The following CDHR2 variants were observed in gnomAD, a reference collection of about 807,000 sequenced individuals.
CDHR2 encodes the protein cadherin related family member 2, also known as cadherin-related family member 2.
Under a neutral mutation model 138.6 loss-of-function variants are expected in CDHR2, and 104 were observed. The observed-to-expected ratio is 0.75, with a 90% CI of 0.64 to 0.88. The LOEUF (loss-of-function observed/expected upper bound fraction) is 0.88, where lower values mean the gene tolerates loss of function less well. CDHR2 is among the 40% of genes least tolerant of loss of function. CDHR2 has a pLI of 0.00. For synonymous variants in CDHR2, 755 were observed against 742.8 expected, an observed-to-expected ratio of 1.02 and a Z score of -0.27; for missense variants, 1,624 against 1,727.6, an observed-to-expected ratio of 0.94 and a Z score of 1.06.
chr5:176,580,115 C>G (rs1581144142), intron 16 of CDHR2, among the ~76,000 whole-genome samples: 1 of 152,094 alleles, frequency 6.6e-6, no homozygotes, highest in Non-Finnish European at 1.5e-5. Flanking sequence ...GGAACACACA[C>G]ACACACTCAC....
intron 17 of CDHR2, 142 bp from the exon 18 acceptor site, chr5:176,584,048 C>G (rs1043972474): frequency 1.4e-5 from 10 of 720,078 alleles, no homozygotes; most frequent in Admixed American, 1.3e-4. Flanking sequence ...CAGAGCCTGT[C>G]TCCTCATCTG....
intron 21 of CDHR2, among the ~76,000 whole-genome samples, chr5:176,588,666 T>A (rs556525111): frequency 7.6e-5 from 11 of 145,128 alleles, no homozygotes; most frequent in Admixed American, 3.4e-4. Flanking sequence ...TGTGTGAGAG[T>A]GTGTGTGTGT....
Position 176,589,418 on chromosome 5 carries a change from G to A in CDHR2, c.3097G>A (p.Glu1033Lys), listed in dbSNP as rs1758778648. ...CAGACCTTCCTTGGGTCCTTTCCTG[G>A]AAGCCACCACCACCCTGAATGTGAG... ...RDRPSLGPFL[E>K]ATTTLNLFTV... is the part of the protein sequence containing the mutation. The change falls in exon 23 of 32, where the codon GAA becomes AAA. Residue 1033 changes from glutamate to lysine, a missense_variant. Around this residue, in one of 3 missense-constraint regions of CDHR2, gnomAD observed 556 missense variants for 565.7 expected, o/e 0.98. Coordinates refer to ENST00000261944, the MANE Select transcript of CDHR2 (RefSeq NM_017675.6). 1.9e-6 allele frequency: 3 copies of A among 1,589,444 alleles called. No homozygotes were observed. The highest frequency in any genetic ancestry group is 2.6e-6 in the Non-Finnish European group (3 of 1,165,836).
chr5:176,564,434 C>T (rs562278540), intron 1 of CDHR2, among the ~76,000 whole-genome samples: 3 of 152,146 alleles, frequency 2.0e-5, no homozygotes, highest in Non-Finnish European at 4.4e-5. Flanking sequence ...GTGATCCGCC[C>T]GCCTCGGCCT....
intron 19 of CDHR2, 105 bp from the exon 20 acceptor site, chr5:176,585,849 A>G: frequency 1.1e-6 from 1 of 878,306 alleles, no homozygotes; most frequent in African/African-American, 1.6e-5. Context: ...CACGGGGTTG[A>G]GGCTGCGGGG....
rs560781585 is a variant in CDHR2, at chr5:176,578,273, A to G, written c.1575-92A>G. 3.2e-5 allele frequency: 41 copies of G among 1,294,282 alleles called. No individual in the cohort carries two copies. The South Asian group carries it at 4.6e-4, about 14-fold the overall frequency. The allele number at this position is 1,294,282 out of a possible 1,614,324, so 80.2% of individuals were successfully genotyped here. A position where few individuals can be genotyped will look rare whatever the true frequency, so the allele number is the denominator to read the frequency against. ...GAATATGTTGCATATACTGCATGGG[A>G]TATGCTGAAATATTTGTTGTTGTAT... On this transcript the variant is annotated intron_variant, in intron 15 of 31. Transcript: ENST00000261944.
In CDHR2 at chr5:176,589,387, C is replaced by G. The variant is rs1368446236; in HGVS notation, c.3066C>G (p.Ala1022=). 5 of 1,569,748 alleles carry G rather than the reference C, an allele frequency of 3.2e-6. No individual in the cohort carries two copies. The highest frequency in any genetic ancestry group is 2.6e-6 in the Non-Finnish European group (3 of 1,156,242). The change falls in exon 23 of 32, where the codon GCC becomes GCG. Residue 1022 remains alanine (A), a synonymous_variant. Coordinates refer to ENST00000261944, the MANE Select transcript of CDHR2 (RefSeq NM_017675.6). ...GCACCTACCAAGTGACAGTCCAGGCCAGGGACAGACCTTCCTTGGGTCCTT... is the reference window on the plus strand; with the variant it reads ...GCACCTACCAAGTGACAGTCCAGGCGAGGGACAGACCTTCCTTGGGTCCTT... ...LQGTYQVTVQ[A]RDRPSLGPFL...
At chr5:176,566,067 T>G (rs1758072167) in intron 3 of CDHR2, among the ~76,000 whole-genome samples, 1 of 150,062 alleles carries the variant, frequency 6.7e-6, no homozygotes, top group Admixed American at 6.6e-5. Context: ...TTCCTCACAC[T>G]GGCTAATCTC....
chr5:176,569,807 A>G (rs953276241), intron 5 of CDHR2, among the ~76,000 whole-genome samples: 4 of 152,026 alleles, frequency 2.6e-5, no homozygotes, highest in African/African-American at 9.7e-5. Flanking sequence ...TAAAAATACA[A>G]AAATTAGCTG....
At chr5:176,584,287 A>G (rs772131855) in intron 18 of CDHR2, 28 bp downstream of exon 18, 1 of 1,613,358 alleles carries the variant, frequency 6.2e-7, no homozygotes, top group African/African-American at 1.3e-5. Context: ...CAGGAGAGAC[A>G]CTGCGGCTGG....
chr5:176,547,991 C>T (rs748966022), upstream of CDHR2, among the ~76,000 whole-genome samples: 2 of 152,160 alleles, frequency 1.3e-5, no homozygotes, highest in African/African-American at 2.4e-5. Context: ...GTGAACATCA[C>T]ACAGTGACTT....
At chr5:176,558,438 C>T (rs1346314419) in intron 1 of CDHR2, among the ~76,000 whole-genome samples, 3 of 147,478 alleles carry the variant, frequency 2.0e-5, no homozygotes, top group South Asian at 2.1e-4. Flanking sequence ...GGCTGGAGTG[C>T]GATGGTGCGA....
chr5:176,578,333 C>T (rs377067112), intron 15 of CDHR2, 32 bp from the exon 16 acceptor site: 1 of 1,589,608 alleles, frequency 6.3e-7, no homozygotes, highest in African/African-American at 1.3e-5. Flanking sequence ...CATCCTGTGT[C>T]TCTATTTGCT....
At position 176,577,711 on chromosome 5, in the gene CDHR2, C is replaced by A. The variant is rs747812200; in HGVS notation, c.1425C>A (p.Asp475Glu). Residue 475 changes from aspartate to glutamate, a missense_variant, in exon 14 of 32, where the codon GAC becomes GAA. Transcript: ENST00000261944. Reference sequence around the variant, plus strand: ...CCATCCACCTTAGAGACATTAATGACCACAGGCCCACGTTTCCCCAGAGCT... The same window carrying A: ...CCATCCACCTTAGAGACATTAATGAACACAGGCCCACGTTTCCCCAGAGCT... ...MVTIHLRDIN[D>E]HRPTFPQSLY... The A allele has an allele frequency of 6.2e-7, 1 of 1,614,228 alleles. No individual in the cohort carries two copies. Among genetic ancestry groups the A allele is most frequent in the Non-Finnish European group, 8.5e-7 (1 of 1,180,036 alleles).
At chr5:176,573,690 G>A (rs1758287334) in intron 6 of CDHR2, among the ~76,000 whole-genome samples, 1 of 151,890 alleles carries the variant, frequency 6.6e-6, no homozygotes, top group South Asian at 2.1e-4. Context: ...CAGGGGCCCA[G>A]GAGCAGAGTA....
chr5:176,569,805 CA>C (rs1381627493), intron 5 of CDHR2, among the ~76,000 whole-genome samples: 1 of 151,958 alleles, frequency 6.6e-6, no homozygotes. Context: ...ACTAAAAATA[CA>C]AAAATTAGCT....
intron 6 of CDHR2, among the ~76,000 whole-genome samples, chr5:176,573,148 G>GCA (rs1345097535): frequency 6.6e-6 from 1 of 152,192 alleles, no homozygotes; most frequent in Non-Finnish European, 1.5e-5. Context: ...AAGCCCTGAG[G>GCA]CAGGAACAAG....
At position 176,575,922 on chromosome 5, in the gene CDHR2, C is replaced by T. The variant is rs372101221; in HGVS notation, c.961-30C>T. 19 of 1,591,734 alleles carry T rather than the reference C, an allele frequency of 1.2e-5. No homozygotes were observed. The African/African-American group carries it at 2.4e-4, about 20-fold the overall frequency. On this transcript the variant is annotated intron_variant, in intron 11 of 31. Transcript: ENST00000261944. The stretch of plus-strand genomic sequence containing the variant: ...ATCTCTCTCTCTGAGCACTGGCTCT[C>T]TGCCCTCTGCCCTCTGCTCTGTGCC...
intron 16 of CDHR2, among the ~76,000 whole-genome samples, chr5:176,580,446 T>C (rs1000732135): frequency 1.4e-5 from 2 of 147,468 alleles, no homozygotes; most frequent in Non-Finnish European, 3.0e-5. Context: ...GGAGAATCAC[T>C]TGAATCCAGG....
Sources: gnomAD v4.1 joint callset for allele counts (sites outside exome capture counted in the v4.1 genomes callset) on GRCh38, gnomAD v4.1.1 for gene constraint, gnomAD v4.1.1 regional missense constraint, MANE v1.5 for transcripts, NCBI Gene and HGNC (gene_info 2026-07-23, HGNC 2026-07-21) for gene names.